Variants in BIN1 observed in about 807,000 individuals in gnomAD.
The protein encoded by BIN1 is myc box-dependent-interacting protein 1.
In BIN1, 53 loss-of-function variants were observed where a neutral mutation model predicts 82.0. The ratio of observed to expected loss-of-function variants is 0.65; its 90% CI spans 0.52 to 0.81. The LOEUF (loss-of-function observed/expected upper bound fraction) is 0.81, where lower values mean the gene tolerates loss of function less well. Ranked by LOEUF, BIN1 falls within the 40% of genes least tolerant of loss-of-function variation. The pLI, the probability that BIN1 is intolerant of heterozygous loss-of-function variation, is 0.00. For synonymous variants in BIN1, 302 were observed against 328.0 expected, an observed-to-expected ratio of 0.92 and a Z score of 0.86; for missense variants, 642 against 784.4, an observed-to-expected ratio of 0.82 and a Z score of 2.17.
intron 1 of BIN1, among the ~76,000 whole-genome samples, chr2:127,084,124 C>G (rs1677820523): frequency 6.6e-6 from 1 of 152,224 alleles, no homozygotes; most frequent in Admixed American, 6.5e-5. Context: ...GCATGACAGT[C>G]TTCCAAGAGC....
chr2:127,057,566 T>A lies in BIN1; in HGVS notation c.1038A>T (p.Lys346Asn), dbSNP rs1573571141. ...GCTTGACTTCCTTGGACGGGGTGTG[T>A]TTGGGAGGCGGAGGGACTGGTGGGC... ...RKGPPVPPPP[K>N]HTPSKEVKQE... Residue 346 changes from lysine to asparagine, a missense_variant, in exon 12 of 19, where the codon AAA becomes AAT. Coordinates refer to ENST00000316724, the MANE Select transcript of BIN1 (RefSeq NM_139343.3). This position sits in a 1 kb window ranked among gnomAD's most constrained non-coding sequence, Gnocchi z 5.0. The A allele has an allele frequency of 1.3e-6, 2 of 1,540,480 alleles. No homozygotes were observed.
intron 4 of BIN1, among the ~76,000 whole-genome samples, 179 bp from the exon 5 acceptor site, chr2:127,070,269 G>A (rs1030769401): frequency 4.6e-5 from 7 of 152,210 alleles, no homozygotes; most frequent in Admixed American, 1.3e-4. Context: ...GGGTGACTGT[G>A]AGGATCAGAT....
At chr2:127,080,507 C>T (rs1362028497) in intron 1 of BIN1, among the ~76,000 whole-genome samples, 1 of 152,246 alleles carries the variant, frequency 6.6e-6, no homozygotes, top group African/African-American at 2.4e-5. Context: ...CTTAGACAAT[C>T]AGTTCCACCT....
intron 10 of BIN1, among the ~76,000 whole-genome samples, chr2:127,061,669 T>C (rs1357261480): frequency 2.0e-5 from 3 of 152,110 alleles, no homozygotes; most frequent in Admixed American, 6.5e-5. Flanking sequence ...GCTCGTGTGG[T>C]TGAGCAGAAT....
Position 127,067,734 on chromosome 2 carries a change from C to A in BIN1, c.612+429G>T, listed in dbSNP as rs943844541. ...GGAGGCTGTGATGTGCCTCTCTGGGCAGCTTTCTCTGCTCAGTAAATTCAA... is the reference window on the plus strand; with the variant it reads ...GGAGGCTGTGATGTGCCTCTCTGGGAAGCTTTCTCTGCTCAGTAAATTCAA... On this transcript the variant is annotated intron_variant, in intron 7 of 18. Coordinates refer to ENST00000316724, the MANE Select transcript of BIN1 (RefSeq NM_139343.3). The surrounding 1 kb of genome is among the most constrained non-coding windows in gnomAD (Gnocchi z 4.7). Among the ~76,000 whole-genome samples, 1 of 152,186 alleles carries A rather than the reference C, an allele frequency of 6.6e-6. No individual in the cohort carries two copies. The highest frequency in any genetic ancestry group is 1.5e-5 in the Non-Finnish European group (1 of 68,038).
At chr2:127,050,373 G>A (rs1348547392) in intron 18 of BIN1, 48 bp downstream of exon 18, 1 of 1,602,782 alleles carries the variant, frequency 6.2e-7, no homozygotes, top group Non-Finnish European at 8.5e-7. Context: ...GCCGCAGCCA[G>A]GATGCCTGTG....
intron 12 of BIN1, chr2:127,055,803 C>T (rs1683580363): frequency 6.6e-6 from 1 of 152,220 alleles, no homozygotes; most frequent in South Asian, 2.1e-4. Flanking sequence ...GGCTACTCAC[C>T]ACCCCACAGC....
chr2:127,085,385 C>T (rs955956296), intron 1 of BIN1, among the ~76,000 whole-genome samples: 1 of 152,236 alleles, frequency 6.6e-6, no homozygotes, highest in Non-Finnish European at 1.5e-5. Context: ...GAGGCAAGAA[C>T]GCTCCCCAGC....
chr2:127,048,456 A>C lies in BIN1; in HGVS notation c.*70T>G, dbSNP rs1682447617. ...AAAGATGAAAAACGAAAACAAAACAAAAAAAAGAACCACACATTTTTCGGG... is the reference window on the plus strand; with the variant it reads ...AAAGATGAAAAACGAAAACAAAACACAAAAAAGAACCACACATTTTTCGGG... On this transcript the variant is annotated 3_prime_UTR_variant, in exon 19 of 19. Transcript: ENST00000316724. 5 of 1,467,528 alleles carry C rather than the reference A, an allele frequency of 3.4e-6. No homozygotes were observed. In the Admixed American group the frequency reaches 8.5e-5, roughly 25 times the overall value. 90.9% of individuals were successfully genotyped at this position (1,467,528 alleles called of 1,614,324 possible).
chr2:127,070,162 G>C, intron 4 of BIN1, 72 bp from the exon 5 acceptor site: 1 of 1,283,490 alleles, frequency 7.8e-7, no homozygotes, highest in Non-Finnish European at 1.1e-6. Flanking sequence ...TCACCTCGCA[G>C]GGACCAGCCC....
intron 2 of BIN1, among the ~76,000 whole-genome samples, chr2:127,073,148 T>G (rs1481303538): frequency 1.3e-5 from 2 of 152,196 alleles, no homozygotes; most frequent in Non-Finnish European, 2.9e-5. Flanking sequence ...GGCACGCAGA[T>G]GTGCAAGGGG....
At chr2:127,105,450 A>C (rs1680928984) in intron 1 of BIN1, among the ~76,000 whole-genome samples, 1 of 132,322 alleles carries the variant, frequency 7.6e-6, no homozygotes, top group African/African-American at 2.7e-5. Flanking sequence ...CCAGCCAGCT[A>C]TTCCTGGGGC....
At chr2:127,052,582 G>A (rs1683104182) in intron 14 of BIN1, 1 of 580,126 alleles carries the variant, frequency 1.7e-6, no homozygotes, top group African/African-American at 1.9e-5. Flanking sequence ...CCCAAGCTCA[G>A]CACCTACCGA....
At chr2:127,073,610 C>T (rs1443905916) in intron 2 of BIN1, among the ~76,000 whole-genome samples, 2 of 152,192 alleles carry the variant, frequency 1.3e-5, no homozygotes, top group Admixed American at 6.5e-5. Context: ...AGGGACGGCC[C>T]TCCTACGTGG....
rs1558811072 is a variant in BIN1 at position 127,059,117 on chromosome 2, G to A, written c.896C>T (p.Pro299Leu). 1 of 1,593,740 alleles carries A rather than the reference G, an allele frequency of 6.3e-7. No individual in the cohort carries two copies. Among genetic ancestry groups the A allele is most frequent in the Non-Finnish European group, 8.5e-7 (1 of 1,170,980 alleles). ...APAKGNKSPS[P>L]PDGSPAATPE... ...GGTGGCGGCAGGGGAGCCATCTGGAGGCGAAGGGCTCTTGTTCCCTTTTGC... is the reference window on the plus strand; with the variant it reads ...GGTGGCGGCAGGGGAGCCATCTGGAAGCGAAGGGCTCTTGTTCCCTTTTGC... The change falls in exon 11 of 19, where the codon CCT (proline) becomes CTT (leucine). Residue 299 changes from proline to leucine, a missense_variant. Transcript: ENST00000316724. This position sits in a 1 kb window ranked among gnomAD's most constrained non-coding sequence, Gnocchi z 6.7.
chr2:127,092,888 T>A (rs1382588931), intron 1 of BIN1, among the ~76,000 whole-genome samples: 1 of 151,576 alleles, frequency 6.6e-6, no homozygotes, highest in Admixed American at 6.6e-5. Context: ...GAGGAGCTCC[T>A]CCTGCACTGT....
In BIN1 at chr2:127,097,067, C is replaced by T. The variant is rs532808276; in HGVS notation, c.84+9793G>A. Among the ~76,000 whole-genome samples the T allele has an allele frequency of 2.6e-5, 4 of 152,338 alleles. No individual in the cohort carries two copies. The South Asian group carries it at 8.3e-4, about 32-fold the overall frequency. ...ATTATTCACGTTACCGTGCCCACTC[C>T]CCACTCGGGGGTCTGTCCTGGAGCC... is the stretch of plus-strand genomic sequence containing the variant. On this transcript the variant is annotated intron_variant, in intron 1 of 18. Transcript: ENST00000316724.
chr2:127,074,092 A>T (rs1004636748), intron 2 of BIN1, among the ~76,000 whole-genome samples: 6 of 152,192 alleles, frequency 3.9e-5, no homozygotes, highest in African/African-American at 1.4e-4. Context: ...ATCACCTGCC[A>T]TCCTTGTCCC....
chr2:127,086,683 T>G (rs1678211319), intron 1 of BIN1, among the ~76,000 whole-genome samples: 1 of 152,102 alleles, frequency 6.6e-6, no homozygotes, highest in Admixed American at 6.5e-5. Context: ...AATTTTTGAA[T>G]TTTTAGTAGA....
Sources: gnomAD v4.1 joint callset for allele counts (sites outside exome capture counted in the v4.1 genomes callset) on GRCh38, gnomAD v4.1.1 for gene constraint, Gnocchi (gnomAD v3.1) non-coding constraint, MANE v1.5 for transcripts, NCBI Gene and HGNC (gene_info 2026-07-23, HGNC 2026-07-21) for gene names.